Variants in MAPKAP1 observed in about 807,000 individuals in gnomAD.
MAPKAP1 encodes the protein target of rapamycin complex 2 subunit MAPKAP1.
In MAPKAP1, 20 loss-of-function variants were observed where a neutral mutation model predicts 65.7. The observed-to-expected ratio is 0.30, with a 90% CI of 0.21 to 0.44. The LOEUF (loss-of-function observed/expected upper bound fraction) is 0.44, where lower values mean the gene tolerates loss of function less well. MAPKAP1 is among the 20% of genes least tolerant of loss of function. The pLI, the probability that MAPKAP1 is intolerant of heterozygous loss-of-function variation, is 1.00. For missense variants in MAPKAP1, 423 were observed against 648.0 expected, an observed-to-expected ratio of 0.65 and a Z score of 3.77; for synonymous variants, 222 against 244.3, an observed-to-expected ratio of 0.91 and a Z score of 0.85.
chr9:125,575,474 T>C (rs1337858964), intron 5 of MAPKAP1, among the ~76,000 whole-genome samples: 1 of 152,212 alleles, frequency 6.6e-6, no homozygotes, highest in Non-Finnish European at 1.5e-5. Context: ...AATCCAGAGT[T>C]ATCTCCAATG....
At chr9:125,547,663 G>A (rs544218256) in intron 6 of MAPKAP1, among the ~76,000 whole-genome samples, 6 of 152,194 alleles carry the variant, frequency 3.9e-5, no homozygotes, top group Non-Finnish European at 7.4e-5. Context: ...ATCGGGGGGT[G>A]GGAGTCTCAA....
intron 1 of MAPKAP1, among the ~76,000 whole-genome samples, chr9:125,697,335 ATGAT>A (rs1192100191): frequency 1.3e-5 from 2 of 152,240 alleles, no homozygotes; most frequent in African/African-American, 2.4e-5. Flanking sequence ...ATTTTAAACT[ATGAT>A]TTATTTTTAA....
At chr9:125,651,834 G>T (rs1020601844) in intron 4 of MAPKAP1, among the ~76,000 whole-genome samples, 1 of 152,172 alleles carries the variant, frequency 6.6e-6, no homozygotes, top group Non-Finnish European at 1.5e-5. Context: ...TTGAGTAGGG[G>T]TTGGGGGTAA....
At chr9:125,527,126 G>A (rs1030482321) in intron 7 of MAPKAP1, among the ~76,000 whole-genome samples, 5 of 151,388 alleles carry the variant, frequency 3.3e-5, no homozygotes, top group South Asian at 2.1e-4. Context: ...GTACAGTGGC[G>A]CGATCTTGGC....
At chr9:125,480,633 T>A (rs1182812621) in intron 9 of MAPKAP1, among the ~76,000 whole-genome samples, 2 of 152,128 alleles carry the variant, frequency 1.3e-5, no homozygotes, top group African/African-American at 4.8e-5. Context: ...GCAAAATAAA[T>A]AATAATGACA....
chr9:125,484,253 AAAG>A (rs1396332840), intron 9 of MAPKAP1, among the ~76,000 whole-genome samples, 187 bp downstream of exon 9: 5 of 152,274 alleles, frequency 3.3e-5, no homozygotes, highest in Non-Finnish European at 5.9e-5. Context: ...GCTTCATAAA[AAAG>A]AAGACAAGAC....
intron 8 of MAPKAP1, among the ~76,000 whole-genome samples, chr9:125,500,442 C>T (rs1017503549): frequency 6.6e-6 from 1 of 152,062 alleles, no homozygotes. Flanking sequence ...ATCCACCCAC[C>T]TTGGCCTCCC....
chr9:125,575,393 T>C (rs1487920213), intron 5 of MAPKAP1, among the ~76,000 whole-genome samples: 1 of 152,088 alleles, frequency 6.6e-6, no homozygotes, highest in Non-Finnish European at 1.5e-5. Context: ...AGATAAGCCC[T>C]CAAATAGCTA....
chr9:125,608,170 C>T (rs1451605245), intron 4 of MAPKAP1, among the ~76,000 whole-genome samples: 1 of 152,214 alleles, frequency 6.6e-6, no homozygotes, highest in African/African-American at 2.4e-5. Flanking sequence ...AGCAGACATG[C>T]TTCGAAGTTT....
chr9:125,682,759 G>A (rs1347429926), intron 1 of MAPKAP1, among the ~76,000 whole-genome samples: 2 of 152,070 alleles, frequency 1.3e-5, no homozygotes, highest in Non-Finnish European at 2.9e-5. Context: ...TGAAATTACC[G>A]GTTTAGGAGC....
chr9:125,671,810 T>C (rs1054226746), intron 2 of MAPKAP1, among the ~76,000 whole-genome samples: 7 of 152,102 alleles, frequency 4.6e-5, no homozygotes, highest in Non-Finnish European at 8.8e-5. Flanking sequence ...ACACCCTATG[T>C]ATAGAATCCT....
chr9:125,506,273 C>G, intron 8 of MAPKAP1, 37 bp downstream of exon 8: 1 of 1,554,668 alleles, frequency 6.4e-7, no homozygotes, highest in Non-Finnish European at 8.9e-7. Flanking sequence ...AAGTTTGCAA[C>G]GGACAAAGCG....
chr9:125,657,579 A>G, intron 4 of MAPKAP1, 72 bp downstream of exon 4: 1 of 1,342,018 alleles, frequency 7.5e-7, no homozygotes, highest in East Asian at 2.3e-5. Flanking sequence ...CCCTAAATCT[A>G]ATAATAATAC....
chr9:125,469,886 A>G (rs1478507919), intron 9 of MAPKAP1, among the ~76,000 whole-genome samples: 2 of 152,148 alleles, frequency 1.3e-5, no homozygotes, highest in African/African-American at 4.8e-5. Context: ...GGACATTTCT[A>G]TAGTTCCCTG....
Position 125,468,109 on chromosome 9 carries a change from C to G in MAPKAP1, c.1208G>C (p.Gly403Ala). Reference sequence around the variant, plus strand: ...TATCTCTACTTTGTCTCCAGAGATACCTGTAAGCCAAGGTGAGGACACAAA... The same window carrying G: ...TATCTCTACTTTGTCTCCAGAGATAGCTGTAAGCCAAGGTGAGGACACAAA... ...RLRFTTDVQL[G>A]ISGDKVEIDP... The change falls in exon 10 of 12, where the codon GGT becomes GCT. Residue 403 changes from glycine to alanine, a missense_variant and splice_region_variant. By Grantham distance (60) the Gly-to-Ala change is moderately conservative (BLOSUM62 0). This residue lies in a region of MAPKAP1 where 185 missense variants were observed against 268.1 expected (regional missense o/e 0.69). Transcript: ENST00000265960. 6.2e-7 allele frequency: 1 copy of G among 1,613,928 alleles called. No individual in the cohort carries two copies. Among genetic ancestry groups the G allele is most frequent in the Non-Finnish European group, 8.5e-7 (1 of 1,179,884 alleles).
chr9:125,698,304 T>TAAA lies in MAPKAP1; in HGVS notation c.-70+8666_-70+8667insTTT, dbSNP rs1279746281. 3.7e-3 allele frequency among the ~76,000 whole-genome samples: 111 copies of TAAA among 29,692 alleles called. 3 individuals are homozygous for TAAA. The highest frequency in any genetic ancestry group is 9.0e-3 in the African/African-American group (74 of 8,246). 19.5% of individuals were successfully genotyped at this position (29,692 alleles called of 152,430 possible). A position where few individuals can be genotyped will look rare whatever the true frequency, so the allele number is the denominator to read the frequency against. ...ATATATATAAATATATATATATATA[T>TAAA]ATATATATATATATATATATATATA... is the stretch of plus-strand genomic sequence containing the variant. On this transcript the variant is annotated intron_variant, in intron 1 of 11. Transcript: ENST00000265960.
chr9:125,632,885 G>C (rs958386588), intron 4 of MAPKAP1, among the ~76,000 whole-genome samples: 1 of 152,206 alleles, frequency 6.6e-6, no homozygotes, highest in Non-Finnish European at 1.5e-5. Context: ...TTGCGTGCAA[G>C]AATACTATGC....
At chr9:125,698,316 T>TATATATATAAAAA (rs1564622558) in intron 1 of MAPKAP1, among the ~76,000 whole-genome samples, 1 of 86,640 alleles carries the variant, frequency 1.2e-5, no homozygotes, top group South Asian at 3.1e-4. Flanking sequence ...TATATATATA[T>TATATATATAAAAA]ATATATATAT....
intron 4 of MAPKAP1, among the ~76,000 whole-genome samples, chr9:125,642,730 CT>C (rs1158001909): frequency 1.3e-5 from 2 of 152,172 alleles, no homozygotes; most frequent in Non-Finnish European, 2.9e-5. Flanking sequence ...TTAATGTGTG[CT>C]TTTCCCTTTG....
Sources: allele counts gnomAD v4.1 joint callset (sites outside exome capture counted in the v4.1 genomes callset), GRCh38; gene constraint gnomAD v4.1.1; regional missense constraint gnomAD v4.1.1; transcripts MANE v1.5; gene names NCBI Gene and HGNC (gene_info 2026-07-23, HGNC 2026-07-21).